Variants in BRCA2 observed in about 807,000 individuals in gnomAD.
BRCA2 encodes the protein breast cancer type 2 susceptibility protein.
In BRCA2, 203 loss-of-function variants were observed where a neutral mutation model predicts 276.7. The ratio of observed to expected loss-of-function variants is 0.73; its 90% CI spans 0.65 to 0.82. The LOEUF is 0.82. Ranked by LOEUF, BRCA2 falls within the 40% of genes least tolerant of loss-of-function variation. The pLI is 0.00. For missense variants in BRCA2, 3,920 were observed against 3,915.0 expected, an observed-to-expected ratio of 1.00 and a Z score of -0.03; for synonymous variants, 1,289 against 1,338.4, an observed-to-expected ratio of 0.96 and a Z score of 0.81.
Position 32,348,086 on chromosome 13 carries a change from A to T in BRCA2, c.7007+1190A>T, listed in dbSNP as rs574451793. ...TAAAATAAGAACAAGTTGCTATAAAAAGCTCTTAGAAATTAAAAATATGAT... is the reference window on the plus strand; with the variant it reads ...TAAAATAAGAACAAGTTGCTATAAATAGCTCTTAGAAATTAAAAATATGAT... On this transcript the variant is annotated intron_variant, in intron 13 of 26. Transcript: ENST00000380152. Among the ~76,000 whole-genome samples, 4 of 152,258 alleles carry T rather than the reference A, an allele frequency of 2.6e-5. No homozygotes were observed. The East Asian group carries it at 7.7e-4, about 29-fold the overall frequency.
Position 32,356,571 on chromosome 13 carries a change from G to T in BRCA2, c.7579G>T (p.Val2527Leu), listed in dbSNP as rs1555286293. 6.2e-7 allele frequency: 1 copy of T among 1,614,206 alleles called. No homozygotes were observed. The highest frequency in any genetic ancestry group is 1.3e-5 in the African/African-American group (1 of 75,060). The change falls in exon 15 of 27, where the codon GTA becomes TTA. Residue 2527 changes from valine (V) to leucine (L), a missense_variant. Val to Leu is a conservative substitution (Grantham distance 32, BLOSUM62 1). Transcript: ENST00000380152. ...TLPRISLKAA[V>L]GGQVPSACSH... is the part of the protein sequence containing the mutation. ...GCCTCGAATCTCTCTGAAAGCAGCA[G>T]TAGGAGGCCAAGTTCCCTCTGCGTG...
At chr13:32,359,144 C>A (rs2072721655) in intron 16 of BRCA2, among the ~76,000 whole-genome samples, 1 of 149,750 alleles carries the variant, frequency 6.7e-6, no homozygotes, top group Admixed American at 6.7e-5. Context: ...ATCGTTTGAA[C>A]CCGGGAGGCG....
chr13:32,341,836 C>A (rs74729703), intron 11 of BRCA2, among the ~76,000 whole-genome samples: 1 of 150,976 alleles, frequency 6.6e-6, no homozygotes, highest in African/African-American at 2.4e-5. Context: ...CCACTGCACT[C>A]CAGCCTGGGC....
intron 20 of BRCA2, among the ~76,000 whole-genome samples, chr13:32,373,527 T>A (rs1198542773): frequency 6.6e-6 from 1 of 151,470 alleles, no homozygotes; most frequent in Non-Finnish European, 1.5e-5. Flanking sequence ...TAAAAAAAAA[T>A]AATAAAAATA....
rs80358810 is a variant in BRCA2 at position 32,326,564 on chromosome 13, G to A, written c.582G>A (p.Trp194Ter). 6.2e-7 allele frequency: 1 copy of A among 1,613,982 alleles called. No homozygotes were observed. The highest frequency in any genetic ancestry group is 1.3e-5 in the African/African-American group (1 of 75,050). The change falls in exon 7 of 27, where the codon TGG becomes TGA. Residue 194 changes from tryptophan (W) to a stop codon, truncating the protein, a stop_gained. Coordinates refer to ENST00000380152, the MANE Select transcript of BRCA2 (RefSeq NM_000059.4). LOFTEE classifies it high-confidence loss of function. The part of the protein sequence containing the change: ...LGAEVDPDMS[W>*]SSSLATPPTL... ...CTGAGGTGGATCCTGATATGTCTTG[G>A]TCAAGTTCTTTAGCTACACCACCCA...
chr13:32,320,286 A>G (rs994235268), intron 3 of BRCA2, among the ~76,000 whole-genome samples: 1 of 152,230 alleles, frequency 6.6e-6, no homozygotes, highest in African/African-American at 2.4e-5. Context: ...GTCAAACCTT[A>G]GATCACCTCC....
At chr13:32,344,515 A>C in intron 11 of BRCA2, 43 bp from the exon 12 acceptor site, 1 of 1,271,128 alleles carries the variant, frequency 7.9e-7, no homozygotes, top group Non-Finnish European at 1.1e-6. Context: ...AATAAAACTG[A>C]TATTATTTGC....
Position 32,380,042 on chromosome 13 carries a change from A to G in BRCA2, c.9153A>G (p.Pro3051=), listed in dbSNP as rs766887680. 1.2e-6 allele frequency: 2 copies of G among 1,614,108 alleles called. No homozygotes were observed. Among genetic ancestry groups the G allele is most frequent in the East Asian group, 2.2e-5 (1 of 44,858 alleles). Residue 3051 remains proline (P), a synonymous_variant, in exon 24 of 27, where the codon CCA becomes CCG. Coordinates refer to ENST00000380152, the MANE Select transcript of BRCA2 (RefSeq NM_000059.4). ...AAATTTTATTTCAGATTTACCAGCC[A>G]CGGGAGCCCCTTCACTTCAGCAAAT... is the stretch of plus-strand genomic sequence containing the variant. ...SDEILFQIYQ[P]REPLHFSKFL... is the part of the protein sequence containing the mutation.
At chr13:32,347,660 T>C (rs1167642996) in intron 13 of BRCA2, among the ~76,000 whole-genome samples, 1 of 152,200 alleles carries the variant, frequency 6.6e-6, no homozygotes, top group Non-Finnish European at 1.5e-5. Context: ...CAAATCTGTA[T>C]GTCAAGCAGT....
chr13:32,363,399 G>C lies in BRCA2; in HGVS notation c.8197G>C (p.Asp2733His), dbSNP rs1325419593. The C allele has an allele frequency of 6.2e-7, 1 of 1,614,150 alleles. No homozygotes were observed. ...GTGGTATGCTGTTAAGGCCCAGTTA[G>C]ATCCTCCCCTCTTAGCTGTCTTAAA... ...DGWYAVKAQL[D>H]PPLLAVLKNG... is the part of the protein sequence containing the mutation. Residue 2733 changes from aspartate to histidine, a missense_variant, in exon 18 of 27, where the codon GAT (aspartate) becomes CAT (histidine). Asp to His is a moderately conservative substitution (Grantham distance 81). Around this residue, in one of 2 missense-constraint regions of BRCA2, gnomAD observed 3,263 missense variants for 3,156.9 expected, o/e 1.03. Transcript: ENST00000380152.
In BRCA2 at chr13:32,340,540, G is replaced by A. The variant is rs754353971; in HGVS notation, c.6185G>A (p.Ser2062Asn). ...SSAFSGFSTA[S>N]GKQVSILESS... is the part of the protein sequence containing the mutation. ...GCTTTCTCTGGATTTAGTACAGCAA[G>A]TGGAAAGCAAGTTTCCATTTTAGAA... The change falls in exon 11 of 27, where the codon AGT (serine) becomes AAT (asparagine). Residue 2062 changes from serine to asparagine, a missense_variant. Physicochemically the swap from Ser to Asn is conservative, Grantham distance 46. Transcript: ENST00000380152. 1 of 1,613,000 alleles carries A rather than the reference G, an allele frequency of 6.2e-7. No homozygotes were observed. The highest frequency in any genetic ancestry group is 8.5e-7 in the Non-Finnish European group (1 of 1,179,506).
At chr13:32,322,479 AG>A (rs1395496902) in intron 3 of BRCA2, among the ~76,000 whole-genome samples, 28 of 152,336 alleles carry the variant, frequency 1.8e-4, no homozygotes, top group Non-Finnish European at 2.4e-4. Flanking sequence ...GCTGGGCCGA[AG>A]TAAAGGGATG....
chr13:32,392,607 AT>A (rs1213606513), intron 24 of BRCA2, among the ~76,000 whole-genome samples: 2 of 141,680 alleles, frequency 1.4e-5, no homozygotes, highest in East Asian at 2.1e-4. Context: ...AAAAAAAAAA[AT>A]TATAACTCTT....
At chr13:32,319,042 G>T (rs2072283304) in intron 2 of BRCA2, 35 bp from the exon 3 acceptor site, 1 of 1,609,204 alleles carries the variant, frequency 6.2e-7, no homozygotes. Context: ...GTCTGTCACT[G>T]GTTAAAACTA....
chr13:32,318,439 AT>A (rs201193580), intron 2 of BRCA2, among the ~76,000 whole-genome samples: 6,997 of 143,392 alleles, frequency 0.049, 224 homozygotes, highest in Admixed American at 0.11. Flanking sequence ...TGTGGAATGT[AT>A]TTTTTTTTTT....
Position 32,340,088 on chromosome 13 carries a change from T to G in BRCA2, c.5733T>G (p.Asp1911Glu), listed in dbSNP as rs367823201. ...TTCTTCATAACTCTCTAGATAATGATGAATGTAGCACGCATTCACATAAGG... is the reference window on the plus strand; with the variant it reads ...TTCTTCATAACTCTCTAGATAATGAGGAATGTAGCACGCATTCACATAAGG... ...EDILHNSLDN[D>E]ECSTHSHKVF... The change falls in exon 11 of 27, where the codon GAT becomes GAG. Residue 1911 changes from aspartate (D) to glutamate (E), a missense_variant. Around this residue, in one of 2 missense-constraint regions of BRCA2, gnomAD observed 3,263 missense variants for 3,156.9 expected, o/e 1.03. Coordinates refer to ENST00000380152, the MANE Select transcript of BRCA2 (RefSeq NM_000059.4). 2 of 1,613,912 alleles carry G rather than the reference T, an allele frequency of 1.2e-6. No individual in the cohort carries two copies. Among genetic ancestry groups the G allele is most frequent in the African/African-American group, 1.3e-5 (1 of 75,050 alleles).
Position 32,339,692 on chromosome 13 carries a change from TGAA to T in BRCA2, c.5340_5342del (p.Glu1780del). On this transcript the variant is annotated inframe_deletion, in exon 11 of 27. Coordinates refer to ENST00000380152, the MANE Select transcript of BRCA2 (RefSeq NM_000059.4). ...GTATTGAGCCAGTATTGAAGAATGT[TGAA>T]GATCAAAAAAACACTAGTTTTTCCA... The T allele has an allele frequency of 6.2e-7, 1 of 1,612,884 alleles. No individual in the cohort carries two copies. Among genetic ancestry groups the T allele is most frequent in the East Asian group, 2.2e-5 (1 of 44,848 alleles).
At chr13:32,321,663 G>A (rs1274556726) in intron 3 of BRCA2, among the ~76,000 whole-genome samples, 3 of 152,076 alleles carry the variant, frequency 2.0e-5, no homozygotes, top group African/African-American at 4.8e-5. Context: ...TTGCTTTTAC[G>A]TTTACTTTAG....
intron 25 of BRCA2, among the ~76,000 whole-genome samples, chr13:32,395,269 TATAG>T: frequency 6.6e-6 from 1 of 152,322 alleles, no homozygotes; most frequent in African/African-American, 2.4e-5. Flanking sequence ...TAGTTAATAA[TATAG>T]AGACTACAGG....
Sources: allele counts gnomAD v4.1 joint callset (sites outside exome capture counted in the v4.1 genomes callset), GRCh38; gene constraint gnomAD v4.1.1; regional missense constraint gnomAD v4.1.1; transcripts MANE v1.5; gene names NCBI Gene and HGNC (gene_info 2026-07-23, HGNC 2026-07-21).